Variants in VPS13B observed in about 807,000 individuals in gnomAD.
The protein encoded by VPS13B is intermembrane lipid transfer protein VPS13B.
VPS13B carries 285 observed loss-of-function variants against 426.4 expected under a neutral mutation model. The observed-to-expected ratio is 0.67, with a 90% CI of 0.61 to 0.74. VPS13B has a LOEUF of 0.74. Ranked by LOEUF, VPS13B falls within the 30% of genes least tolerant of loss-of-function variation. The pLI is 0.00. For synonymous variants in VPS13B, 1,676 were observed against 1,676.4 expected, an observed-to-expected ratio of 1.00 and a Z score of 0.01; for missense variants, 4,537 against 4,782.6, an observed-to-expected ratio of 0.95 and a Z score of 1.51.
At chr8:99,030,911 G>A (rs1842480703) in intron 2 of VPS13B, among the ~76,000 whole-genome samples, 2 of 152,068 alleles carry the variant, frequency 1.3e-5, no homozygotes, top group African/African-American at 4.8e-5. Context: ...TTTCTTAAAT[G>A]TACATATAAC....
chr8:99,645,023 A>G (rs1472965764), intron 34 of VPS13B, among the ~76,000 whole-genome samples: 1 of 152,214 alleles, frequency 6.6e-6, no homozygotes, highest in Non-Finnish European at 1.5e-5. Context: ...AAACAGAGCT[A>G]CAATTCAAAG....
chr8:99,648,619 T>C (rs898732144), intron 34 of VPS13B, among the ~76,000 whole-genome samples: 3 of 152,198 alleles, frequency 2.0e-5, no homozygotes, highest in African/African-American at 7.2e-5. Context: ...ATTTCATCAC[T>C]TAAAGGAAGA....
chr8:99,851,979 A>T (rs1334218167), intron 55 of VPS13B, among the ~76,000 whole-genome samples: 2 of 152,250 alleles, frequency 1.3e-5, no homozygotes, highest in East Asian at 3.9e-4. Flanking sequence ...CACATTAGAG[A>T]CACTGATGGC....
chr8:99,337,146 A>T (rs1007737641), intron 19 of VPS13B, among the ~76,000 whole-genome samples: 3 of 152,134 alleles, frequency 2.0e-5, no homozygotes, highest in Admixed American at 6.5e-5. Flanking sequence ...GGATTAAGAA[A>T]ATGTGGCACA....
chr8:99,094,762 T>C (rs1846334279), intron 3 of VPS13B, among the ~76,000 whole-genome samples: 1 of 152,194 alleles, frequency 6.6e-6, no homozygotes, highest in African/African-American at 2.4e-5. Context: ...ATTATTCTTT[T>C]ATATGCTCTT....
intron 25 of VPS13B, among the ~76,000 whole-genome samples, chr8:99,491,650 A>G (rs1359685891): frequency 1.3e-5 from 2 of 152,108 alleles, no homozygotes; most frequent in Non-Finnish European, 2.9e-5. Context: ...CACTTGATTG[A>G]AACGACTATT....
chr8:99,482,614 T>C (rs1323780478), intron 25 of VPS13B, among the ~76,000 whole-genome samples: 2 of 152,168 alleles, frequency 1.3e-5, no homozygotes, highest in African/African-American at 4.8e-5. Context: ...GTGACATGAT[T>C]TTCTAAACTA....
chr8:99,851,435 G>A (rs2130911153), intron 55 of VPS13B, among the ~76,000 whole-genome samples: 1 of 152,272 alleles, frequency 6.6e-6, no homozygotes, highest in East Asian at 1.9e-4. Context: ...TGCAGTAGAA[G>A]GTCAGCATTC....
At chr8:99,535,037 G>C (rs1169183997) in intron 30 of VPS13B, among the ~76,000 whole-genome samples, 1 of 152,100 alleles carries the variant, frequency 6.6e-6, no homozygotes, top group Non-Finnish European at 1.5e-5. Flanking sequence ...TTGTTGACTA[G>C]TGTCCATTTT....
intron 17 of VPS13B, among the ~76,000 whole-genome samples, chr8:99,264,210 CT>C (rs572953275): frequency 8.4e-4 from 119 of 140,944 alleles, no homozygotes; most frequent in South Asian, 1.6e-3. Context: ...TTTTTGGAGT[CT>C]TTTTTTTTTT....
chr8:99,118,880 C>T (rs1847805474), intron 7 of VPS13B, among the ~76,000 whole-genome samples: 1 of 152,162 alleles, frequency 6.6e-6, no homozygotes, highest in Non-Finnish European at 1.5e-5. Context: ...TTCACGTAGA[C>T]ATGTGCTATT....
intron 33 of VPS13B, among the ~76,000 whole-genome samples, chr8:99,585,531 C>G (rs1826260363): frequency 6.6e-6 from 1 of 152,112 alleles, no homozygotes; most frequent in South Asian, 2.1e-4. Flanking sequence ...GGTTTAATAT[C>G]TGAAAATCAA....
At chr8:99,204,561 C>T (rs555304901) in intron 17 of VPS13B, among the ~76,000 whole-genome samples, 24 of 152,132 alleles carry the variant, frequency 1.6e-4, no homozygotes, top group South Asian at 6.2e-4. Context: ...CTCTCATCAG[C>T]GTGAACAGGC....
chr8:99,486,054 A>G (rs1563755604), intron 25 of VPS13B, among the ~76,000 whole-genome samples: 1 of 152,008 alleles, frequency 6.6e-6, no homozygotes, highest in African/African-American at 2.4e-5. Context: ...TGTGATTCCT[A>G]TGAGCCCTCT....
At chr8:99,610,787 A>T (rs1827815287) in intron 33 of VPS13B, among the ~76,000 whole-genome samples, 1 of 152,188 alleles carries the variant, frequency 6.6e-6, no homozygotes, top group Admixed American at 6.5e-5. Context: ...CAATATTAAA[A>T]TGAGGAAACA....
At chr8:99,345,528 A>C (rs1811491145) in intron 19 of VPS13B, among the ~76,000 whole-genome samples, 1 of 151,982 alleles carries the variant, frequency 6.6e-6, no homozygotes, top group African/African-American at 2.4e-5. Context: ...TCTTTTTTTC[A>C]ATTATTTAAA....
chr8:99,541,151 A>G (rs1401465443), intron 30 of VPS13B, among the ~76,000 whole-genome samples: 1 of 152,146 alleles, frequency 6.6e-6, no homozygotes, highest in African/African-American at 2.4e-5. Flanking sequence ...TAAGATTACC[A>G]AAGAATATTG....
At chr8:99,828,673 G>A (rs1278087348) in intron 51 of VPS13B, among the ~76,000 whole-genome samples, 2 of 151,798 alleles carry the variant, frequency 1.3e-5, no homozygotes, top group African/African-American at 2.4e-5. Context: ...CCATTAGTTG[G>A]TGCAGTTTTT....
chr8:99,832,582 A>G lies in VPS13B; in HGVS notation c.9544A>G (p.Arg3182Gly). 2 of 1,613,970 alleles carry G rather than the reference A, an allele frequency of 1.2e-6. No homozygotes were observed. Among genetic ancestry groups the G allele is most frequent in the Non-Finnish European group, 8.5e-7 (1 of 1,179,996 alleles). Residue 3182 changes from arginine to glycine, a missense_variant, in exon 52 of 62, where the codon AGA (arginine) becomes GGA (glycine). Physicochemically the swap from Arg to Gly is moderately radical, Grantham distance 125 (BLOSUM62 -2). This residue lies in a region of VPS13B where 4,311 missense variants were observed against 4,474.3 expected (regional missense o/e 0.96). Transcript: ENST00000357162. Reference protein sequence around the residue: ...SQCWSLPAIVRPEFPRQSVAV... With the variant: ...SQCWSLPAIVGPEFPRQSVAV... ...GTGCTGGAGCCTGCCAGCTATAGTT[A>G]GACCAGAGTTTCCCAGACAGAGTGT...
Sources: allele counts gnomAD v4.1 joint callset (sites outside exome capture counted in the v4.1 genomes callset), GRCh38; gene constraint gnomAD v4.1.1; regional missense constraint gnomAD v4.1.1; transcripts MANE v1.5; gene names NCBI Gene and HGNC (gene_info 2026-07-23, HGNC 2026-07-21).